BAIAP2L1: variants seen among roughly 807,000 people sequenced by gnomAD.
The protein encoded by BAIAP2L1 is BAR/IMD domain-containing adapter protein 2-like 1.
A neutral mutation model predicts 66.3 loss-of-function variants in BAIAP2L1; 35 were observed. The ratio of observed to expected loss-of-function variants is 0.53; its 90% CI spans 0.40 to 0.70. The LOEUF (loss-of-function observed/expected upper bound fraction) is 0.70. Ranked by LOEUF, BAIAP2L1 falls within the 30% of genes least tolerant of loss-of-function variation. The pLI is 0.00. For missense variants in BAIAP2L1, 622 were observed against 656.9 expected, an observed-to-expected ratio of 0.95 and a Z score of 0.58; for synonymous variants, 269 against 248.7, an observed-to-expected ratio of 1.08 and a Z score of -0.77.
chr7:98,396,872 T>A (rs904661021), intron 1 of BAIAP2L1, among the ~76,000 whole-genome samples: 1 of 152,186 alleles, frequency 6.6e-6, no homozygotes, highest in Admixed American at 6.5e-5. Flanking sequence ...AAGCACTCTA[T>A]GAAAAGTATC....
intron 1 of BAIAP2L1, among the ~76,000 whole-genome samples, chr7:98,373,989 G>C (rs544158182): frequency 6.6e-6 from 1 of 152,320 alleles, no homozygotes; most frequent in South Asian, 2.1e-4. Context: ...GTCTTGCTGT[G>C]TTGCCCAGGC....
At chr7:98,388,950 G>A (rs1337457160) in intron 1 of BAIAP2L1, among the ~76,000 whole-genome samples, 2 of 149,968 alleles carry the variant, frequency 1.3e-5, no homozygotes, top group Non-Finnish European at 3.0e-5. Flanking sequence ...CTCCAGCCTG[G>A]ACAACAGAGA....
At chr7:98,322,038 G>A (rs563794902) in intron 3 of BAIAP2L1, among the ~76,000 whole-genome samples, 1 of 152,188 alleles carries the variant, frequency 6.6e-6, no homozygotes, top group East Asian at 1.9e-4. Context: ...AGAGGATGCA[G>A]TGAGCCGAGA....
intron 3 of BAIAP2L1, among the ~76,000 whole-genome samples, chr7:98,325,991 A>C (rs1379345485): frequency 6.6e-6 from 1 of 152,200 alleles, no homozygotes; most frequent in Non-Finnish European, 1.5e-5. Flanking sequence ...CAGTACCAAC[A>C]CTGCACAAGC....
chr7:98,385,128 T>A (rs1214507265), intron 1 of BAIAP2L1, among the ~76,000 whole-genome samples: 2 of 151,786 alleles, frequency 1.3e-5, no homozygotes, highest in African/African-American at 4.8e-5. Flanking sequence ...GCCAACATGG[T>A]GAAACCCCAT....
intron 1 of BAIAP2L1, among the ~76,000 whole-genome samples, chr7:98,389,097 T>G (rs1802965164): frequency 6.6e-6 from 1 of 152,028 alleles, no homozygotes; most frequent in Non-Finnish European, 1.5e-5. Context: ...CAGAAACAGA[T>G]TGGTCTATTA....
At chr7:98,341,992 T>G (rs1230179920) in intron 3 of BAIAP2L1, among the ~76,000 whole-genome samples, 1 of 151,938 alleles carries the variant, frequency 6.6e-6, no homozygotes, top group Non-Finnish European at 1.5e-5. Context: ...ATTTGTAATA[T>G]TGTTGTGAAT....
intron 3 of BAIAP2L1, among the ~76,000 whole-genome samples, chr7:98,352,157 T>C (rs898860473): frequency 6.6e-6 from 1 of 152,018 alleles, no homozygotes; most frequent in Non-Finnish European, 1.5e-5. Flanking sequence ...CTTTTTAGTC[T>C]GAACTGTATC....
At position 98,373,866 on chromosome 7, in the gene BAIAP2L1, G is replaced by A. The variant is rs11977521; in HGVS notation, c.52-11434C>T. Among the ~76,000 whole-genome samples the A allele has an allele frequency of 8.7e-3, 1,318 of 152,324 alleles. 20 individuals carry two copies. The highest frequency in any genetic ancestry group is 0.03 in the African/African-American group (1,254 of 41,568). On this transcript the variant is annotated intron_variant, in intron 1 of 13. Coordinates refer to ENST00000005260, the MANE Select transcript of BAIAP2L1 (RefSeq NM_018842.5). ...TCCACCCTGGTGTCATCATCAGGAC[G>A]AGGGAGATCATGAACACAGAACCTC...
intron 3 of BAIAP2L1, among the ~76,000 whole-genome samples, chr7:98,354,611 A>G (rs1802078083): frequency 6.6e-6 from 1 of 152,144 alleles, no homozygotes; most frequent in Admixed American, 6.6e-5. Context: ...AACCGGAAAA[A>G]TCACAGCTGA....
intron 3 of BAIAP2L1, among the ~76,000 whole-genome samples, chr7:98,322,459 C>T (rs1801276009): frequency 6.6e-6 from 1 of 152,190 alleles, no homozygotes; most frequent in South Asian, 2.1e-4. Flanking sequence ...GGATCAACTT[C>T]TCGCCCATGT....
At chr7:98,325,637 T>C in intron 3 of BAIAP2L1, among the ~76,000 whole-genome samples, 1 of 151,294 alleles carries the variant, frequency 6.6e-6, no homozygotes, top group East Asian at 2.0e-4. Context: ...AAGGTCGTGC[T>C]ACTGCACTCC....
rs151322623 is a variant in BAIAP2L1, at chr7:98,331,571, C to T, written c.215-11273G>A. 1.3e-4 allele frequency among the ~76,000 whole-genome samples: 19 copies of T among 146,968 alleles called. No homozygotes were observed. The East Asian group carries it at 2.6e-3, about 20-fold the overall frequency. ...GTGACCTCCGCCTCCCGAGTTCAAG[C>T]GATTCTCCTGCCTCAGCCTCCCGAG... On this transcript the variant is annotated intron_variant, in intron 3 of 13. Transcript: ENST00000005260.
At position 98,317,413 on chromosome 7, in the gene BAIAP2L1, G is replaced by A. The variant is rs1801108318; in HGVS notation, c.349-57C>T. ...GTGGCACCACACGAATTGTCACACAGTTTGCCTTTACTCACACTTCCACTG... is the reference window on the plus strand; with the variant it reads ...GTGGCACCACACGAATTGTCACACAATTTGCCTTTACTCACACTTCCACTG... On this transcript the variant is annotated intron_variant, in intron 5 of 13. Coordinates refer to ENST00000005260, the MANE Select transcript of BAIAP2L1 (RefSeq NM_018842.5). The A allele has an allele frequency of 2.5e-6, 4 of 1,598,974 alleles. No individual in the cohort carries two copies. The South Asian group carries it at 4.4e-5, about 18-fold the overall frequency.
chr7:98,363,682 GAAC>G, intron 1 of BAIAP2L1, among the ~76,000 whole-genome samples: 1 of 152,166 alleles, frequency 6.6e-6, no homozygotes, highest in East Asian at 1.9e-4. Flanking sequence ...TTCCATCTAG[GAAC>G]AATAAGCTTC....
At chr7:98,399,590 A>T (rs1014855054) in intron 1 of BAIAP2L1, among the ~76,000 whole-genome samples, 1 of 152,252 alleles carries the variant, frequency 6.6e-6, no homozygotes, top group Non-Finnish European at 1.5e-5. Context: ...ATGCCTATAC[A>T]TGAACTTAGA....
chr7:98,355,479 T>A (rs1201277458), intron 2 of BAIAP2L1: 1 of 227,112 alleles, frequency 4.4e-6, no homozygotes, highest in African/African-American at 2.2e-5. Flanking sequence ...CTCACACCTG[T>A]AATCCCAGCC....
intron 1 of BAIAP2L1, among the ~76,000 whole-genome samples, chr7:98,398,762 T>C (rs1803279944): frequency 6.6e-6 from 1 of 152,166 alleles, no homozygotes; most frequent in Admixed American, 6.6e-5. Flanking sequence ...TAAGGAGTTA[T>C]TACTAAAAGT....
At chr7:98,389,885 T>C (rs1002778701) in intron 1 of BAIAP2L1, among the ~76,000 whole-genome samples, 6 of 151,862 alleles carry the variant, frequency 4.0e-5, no homozygotes, top group African/African-American at 1.4e-4. Flanking sequence ...GTTCAGCTAG[T>C]TGCCTGTTGC....
Sources: allele counts gnomAD v4.1 joint callset (sites outside exome capture counted in the v4.1 genomes callset), GRCh38; gene constraint gnomAD v4.1.1; transcripts MANE v1.5; gene names NCBI Gene and HGNC (gene_info 2026-07-23, HGNC 2026-07-21).